ALX4: variants seen among roughly 807,000 people sequenced by gnomAD.
ALX4 encodes homeobox protein aristaless-like 4.
Under a neutral mutation model 40.6 loss-of-function variants are expected in ALX4, and 22 were observed. That is an observed-to-expected ratio of 0.54 (90% CI 0.39 to 0.77). The LOEUF (loss-of-function observed/expected upper bound fraction) is 0.77, where lower values mean the gene tolerates loss of function less well. Among genes scored for constraint, ALX4 ranks in the 30% least tolerant of loss-of-function variants. The pLI is 0.00. For synonymous variants in ALX4, 266 were observed against 240.5 expected (o/e 1.11, Z -0.98); for missense variants, 556 against 564.8 (o/e 0.98, Z 0.16).
intron 2 of ALX4, among the ~76,000 whole-genome samples, chr11:44,270,844 C>T (rs1236855844): frequency 6.6e-5 from 10 of 152,228 alleles, no homozygotes; most frequent in East Asian, 1.9e-4. Context: ...ACTGTCTTGG[C>T]GGAGGCCTCG....
At chr11:44,282,119 T>C (rs993035758) in intron 1 of ALX4, among the ~76,000 whole-genome samples, 9 of 152,198 alleles carry the variant, frequency 5.9e-5, no homozygotes, top group East Asian at 1.9e-4. Flanking sequence ...TAAAAGGACA[T>C]TGGGGGAAGC....
intron 1 of ALX4, among the ~76,000 whole-genome samples, chr11:44,291,431 C>G (rs1235557583): frequency 1.5e-5 from 1 of 65,164 alleles, no homozygotes. Context: ...TTTTTGGAGA[C>G]AGGGTCTTGC....
Position 44,264,982 on chromosome 11 carries a change from C to T in ALX4, c.1108G>A (p.Ala370Thr), listed in dbSNP as rs1263182037. 6 of 1,613,164 alleles carry T rather than the reference C, an allele frequency of 3.7e-6. No individual in the cohort carries two copies. Among genetic ancestry groups the T allele is most frequent in the Non-Finnish European group, 5.1e-6 (6 of 1,179,944 alleles). ...GQTHMGSLFG[A>T]ASLSPGLNGY... ...TTGAGGCCTGGGCTGAGGCTGGCTG[C>T]TCCAAACAGGCTGCCCATGTGCGTC... The change falls in exon 4 of 4, where the codon GCA (alanine) becomes ACA (threonine). Residue 370 changes from alanine to threonine, a missense_variant. Coordinates refer to ENST00000652299, the MANE Select transcript of ALX4 (RefSeq NM_021926.4).
chr11:44,266,694 G>A (rs540259923), intron 3 of ALX4, among the ~76,000 whole-genome samples: 7 of 152,292 alleles, frequency 4.6e-5, no homozygotes, highest in African/African-American at 1.7e-4. Context: ...CTTCTGCTGG[G>A]CAGGCTGAGT....
At position 44,264,632 on chromosome 11, in the gene ALX4, A is replaced by AG. The variant is rs1299555482; in HGVS notation, c.*221dup. 2 of 595,578 alleles carry AG rather than the reference A, an allele frequency of 3.4e-6. No individual in the cohort carries two copies. Among genetic ancestry groups the AG allele is most frequent in the Admixed American group, 6.0e-5 (2 of 33,144 alleles). 36.9% of individuals were successfully genotyped at this position (595,578 alleles called of 1,614,324 possible). On this transcript the variant is annotated 3_prime_UTR_variant, in exon 4 of 4. Transcript: ENST00000652299. ...TTCTCCACTGCCTGTGGCCGGGAGC[A>AG]GGGGTCAGGGCCTCAGTGCCAGGGA...
intron 1 of ALX4, among the ~76,000 whole-genome samples, chr11:44,290,071 C>A (rs952852437): frequency 4.6e-5 from 7 of 152,230 alleles, no homozygotes; most frequent in African/African-American, 1.7e-4. Flanking sequence ...CCCTGCACCT[C>A]CTGCATCCAG....
At chr11:44,292,376 AATTT>A (rs1956374676) in intron 1 of ALX4, among the ~76,000 whole-genome samples, 1 of 11,888 alleles carries the variant, frequency 8.4e-5, no homozygotes, top group East Asian at 7.1e-4. Context: ...TGGCTAATTA[AATTT>A]TTTTTTTTTT....
intron 1 of ALX4, among the ~76,000 whole-genome samples, chr11:44,299,663 G>A (rs1956424396): frequency 6.6e-6 from 1 of 152,106 alleles, no homozygotes; most frequent in Admixed American, 6.5e-5. Flanking sequence ...CCGTGCCCTG[G>A]GGGCCATGTT....
intron 1 of ALX4, among the ~76,000 whole-genome samples, chr11:44,283,298 T>C (rs1342185291): frequency 6.7e-6 from 1 of 149,988 alleles, no homozygotes; most frequent in Non-Finnish European, 1.5e-5. Flanking sequence ...TTTTAAAAAA[T>C]GTAACTAAAA....
intron 1 of ALX4, among the ~76,000 whole-genome samples, chr11:44,295,674 GC>G (rs1956398810): frequency 6.6e-6 from 1 of 152,228 alleles, no homozygotes; most frequent in African/African-American, 2.4e-5. Flanking sequence ...TATGCATGGG[GC>G]CAACAGCATG....
chr11:44,288,540 G>A lies in ALX4; in HGVS notation c.467-12882C>T, dbSNP rs12806350. 7.9e-3 allele frequency among the ~76,000 whole-genome samples: 1,203 copies of A among 152,148 alleles called. 10 individuals carry two copies. Among genetic ancestry groups the A allele is most frequent in the Non-Finnish European group, 0.011 (773 of 67,998 alleles). ...GATGAGTTTACCTGGCAACCTCCCC[G>A]CCTTCCCCTCATCACCACCACCATT... On this transcript the variant is annotated intron_variant, in intron 1 of 3. Coordinates refer to ENST00000652299, the MANE Select transcript of ALX4 (RefSeq NM_021926.4).
intron 1 of ALX4, among the ~76,000 whole-genome samples, chr11:44,304,049 T>G (rs1565011062): frequency 6.6e-6 from 1 of 152,202 alleles, no homozygotes; most frequent in Admixed American, 6.5e-5. Context: ...GCCTCCTCCT[T>G]CCAGCAAAGG....
intron 1 of ALX4, among the ~76,000 whole-genome samples, chr11:44,309,196 C>T (rs1230609919): frequency 4.0e-5 from 6 of 150,600 alleles, no homozygotes; most frequent in African/African-American, 1.5e-4. Flanking sequence ...CCCCGCAGCC[C>T]CGCAGCCCCG....
chr11:44,299,365 T>G (rs1258499327), intron 1 of ALX4, among the ~76,000 whole-genome samples: 3 of 146,780 alleles, frequency 2.0e-5, no homozygotes, highest in Non-Finnish European at 4.5e-5. Flanking sequence ...TTTTTTTTTT[T>G]TTTTTTTTTT....
At chr11:44,271,500 C>T (rs552270869) in intron 2 of ALX4, among the ~76,000 whole-genome samples, 37 of 152,298 alleles carry the variant, frequency 2.4e-4, no homozygotes, top group African/African-American at 7.9e-4. Context: ...ATATGCAGCA[C>T]GTCAGAGTTT....
At chr11:44,269,936 G>T (rs1334873146) in intron 2 of ALX4, among the ~76,000 whole-genome samples, 1 of 152,128 alleles carries the variant, frequency 6.6e-6, no homozygotes, top group Non-Finnish European at 1.5e-5. Flanking sequence ...CTGGAGGCAC[G>T]GAGAGAGATG....
chr11:44,267,986 A>G (rs1372848874), intron 2 of ALX4, among the ~76,000 whole-genome samples: 10 of 152,256 alleles, frequency 6.6e-5, no homozygotes, highest in Admixed American at 5.9e-4. Flanking sequence ...TAAAAGCTAC[A>G]AATGCTCCTC....
chr11:44,309,511 A>G, intron 1 of ALX4, 86 bp downstream of exon 1: 1 of 1,519,986 alleles, frequency 6.6e-7, no homozygotes, highest in Non-Finnish European at 8.8e-7. Flanking sequence ...GCCAACTCAT[A>G]CCTCCCGCAA....
At chr11:44,291,450 C>T (rs540778829) in intron 1 of ALX4, among the ~76,000 whole-genome samples, 1 of 151,414 alleles carries the variant, frequency 6.6e-6, no homozygotes, top group Admixed American at 6.6e-5. Context: ...GCTCTGCTGC[C>T]CAGGCTGAAG....
Sources: allele counts gnomAD v4.1 joint callset (sites outside exome capture counted in the v4.1 genomes callset), GRCh38; gene constraint gnomAD v4.1.1; transcripts MANE v1.5; gene names NCBI Gene and HGNC (gene_info 2026-07-23, HGNC 2026-07-21).